Variants in IQCM observed in about 807,000 individuals in gnomAD.
IQCM encodes IQ motif containing M.
Under a neutral mutation model 57.6 loss-of-function variants are expected in IQCM, and 45 were observed. The ratio of observed to expected loss-of-function variants is 0.78; its 90% CI spans 0.62 to 1.00. The LOEUF (loss-of-function observed/expected upper bound fraction) is 1.00. Among genes scored for constraint, IQCM ranks in the 50% least tolerant of loss-of-function variants. The probability of loss-of-function intolerance (pLI) is 0.00; values close to 1 mark genes in which losing one functional copy is unlikely to be tolerated. For synonymous variants in IQCM, 148 were observed against 158.9 expected (o/e 0.93, Z 0.51); for missense variants, 468 against 511.6 (o/e 0.91, Z 0.82).
intron 2 of IQCM, among the ~76,000 whole-genome samples, chr4:149,777,563 G>A (rs1450338252): frequency 6.6e-6 from 1 of 152,118 alleles, no homozygotes; most frequent in Non-Finnish European, 1.5e-5. Context: ...TTGTTGTGTT[G>A]AGATTTATTC....
intron 9 of IQCM, among the ~76,000 whole-genome samples, chr4:149,572,872 A>G (rs916474057): frequency 1.3e-5 from 2 of 152,046 alleles, no homozygotes; most frequent in African/African-American, 2.4e-5. Flanking sequence ...AGTTTGGTTC[A>G]AGATGCATTT....
At chr4:149,398,135 C>T (rs1732359922) in intron 13 of IQCM, among the ~76,000 whole-genome samples, 2 of 151,994 alleles carry the variant, frequency 1.3e-5, no homozygotes, top group South Asian at 4.2e-4. Flanking sequence ...TTCCCAACAC[C>T]TTTATTGAAG....
In IQCM at chr4:149,727,390, A is replaced by T. The variant is rs1766046656; in HGVS notation, c.385+5854T>A. On this transcript the variant is annotated intron_variant, in intron 5 of 13. Transcript: ENST00000636793. ...GACTAAAGCCTAAGAGTCATCCTTCATGCTGTCTTTCCCTTACACTCCACA... is the reference window on the plus strand; with the variant it reads ...GACTAAAGCCTAAGAGTCATCCTTCTTGCTGTCTTTCCCTTACACTCCACA... Among the ~76,000 whole-genome samples the T allele has an allele frequency of 2.0e-5, 3 of 152,068 alleles. No individual in the cohort carries two copies. In the South Asian group the frequency reaches 6.2e-4, roughly 32 times the overall value.
intron 7 of IQCM, among the ~76,000 whole-genome samples, chr4:149,669,458 T>C (rs1199296368): frequency 1.3e-5 from 2 of 152,190 alleles, no homozygotes; most frequent in African/African-American, 2.4e-5. Flanking sequence ...TTACTTTTGC[T>C]ATGCAGAAGC....
chr4:149,361,479 T>G (rs565264919), intron 13 of IQCM, among the ~76,000 whole-genome samples: 7 of 152,222 alleles, frequency 4.6e-5, no homozygotes, highest in Admixed American at 1.3e-4. Context: ...AGTGGTTTTG[T>G]GGGCAGGGCC....
intron 9 of IQCM, among the ~76,000 whole-genome samples, chr4:149,580,750 G>A (rs1752104420): frequency 6.6e-6 from 1 of 151,728 alleles, no homozygotes; most frequent in South Asian, 2.1e-4. Context: ...GTTGTTATGG[G>A]ATATTCCAGT....
intron 12 of IQCM, among the ~76,000 whole-genome samples, chr4:149,500,425 T>C (rs1471037915): frequency 6.6e-6 from 1 of 152,152 alleles, no homozygotes; most frequent in Non-Finnish European, 1.5e-5. Flanking sequence ...AGAGAAGAAA[T>C]TAAATTAACA....
At chr4:149,422,794 C>A (rs1421078440) in intron 13 of IQCM, among the ~76,000 whole-genome samples, 1 of 151,914 alleles carries the variant, frequency 6.6e-6, no homozygotes, top group Non-Finnish European at 1.5e-5. Flanking sequence ...CTGTAAACAT[C>A]AAAAGGAAGT....
chr4:149,746,023 T>A (rs1186422046), intron 2 of IQCM, among the ~76,000 whole-genome samples: 1 of 150,774 alleles, frequency 6.6e-6, no homozygotes, highest in Non-Finnish European at 1.5e-5. Flanking sequence ...GCTCTTATAA[T>A]TCAGTATTCT....
At chr4:149,626,270 C>T (rs930764319) in intron 7 of IQCM, among the ~76,000 whole-genome samples, 2 of 151,988 alleles carry the variant, frequency 1.3e-5, no homozygotes, top group South Asian at 2.1e-4. Flanking sequence ...TGCCCTCGAA[C>T]ATCAGACTCC....
intron 2 of IQCM, among the ~76,000 whole-genome samples, chr4:149,801,817 A>T (rs1323595955): frequency 6.6e-6 from 1 of 151,892 alleles, no homozygotes; most frequent in Non-Finnish European, 1.5e-5. Context: ...AATAAATAAG[A>T]CCTGCTGTTT....
At chr4:149,506,129 C>A (rs931133063) in intron 12 of IQCM, among the ~76,000 whole-genome samples, 4 of 151,958 alleles carry the variant, frequency 2.6e-5, no homozygotes, top group Non-Finnish European at 5.9e-5. Flanking sequence ...GTGGATGCTG[C>A]CCTCTCACCT....
At chr4:149,772,498 C>G (rs972813224) in intron 2 of IQCM, among the ~76,000 whole-genome samples, 3 of 151,918 alleles carry the variant, frequency 2.0e-5, no homozygotes, top group African/African-American at 7.3e-5. Flanking sequence ...CTTCAAACTG[C>G]TGTGTTTTTC....
intron 12 of IQCM, among the ~76,000 whole-genome samples, chr4:149,536,927 G>T (rs1747349687): frequency 6.6e-6 from 1 of 151,988 alleles, no homozygotes; most frequent in Admixed American, 6.6e-5. Context: ...CTACACAAAA[G>T]TTGTCGACAC....
intron 12 of IQCM, among the ~76,000 whole-genome samples, chr4:149,462,491 C>T (rs1738410189): frequency 6.6e-6 from 1 of 152,184 alleles, no homozygotes. Flanking sequence ...AAATGAAAAA[C>T]TACTCATCTT....
At chr4:149,656,454 C>G (rs926215179) in intron 7 of IQCM, among the ~76,000 whole-genome samples, 8 of 152,108 alleles carry the variant, frequency 5.3e-5, no homozygotes, top group African/African-American at 1.7e-4. Context: ...AAAGGGCAAG[C>G]AGCAACTGCC....
chr4:149,805,422 C>G (rs1355784361), intron 2 of IQCM, among the ~76,000 whole-genome samples: 1 of 151,962 alleles, frequency 6.6e-6, no homozygotes, highest in Non-Finnish European at 1.5e-5. Flanking sequence ...TCGACATTTT[C>G]CATCCTTTGG....
intron 12 of IQCM, among the ~76,000 whole-genome samples, chr4:149,517,971 C>T (rs1462552584): frequency 1.3e-5 from 2 of 152,102 alleles, no homozygotes; most frequent in Non-Finnish European, 1.5e-5. Flanking sequence ...ATGTATCTAT[C>T]CTATTAGTTC....
intron 12 of IQCM, among the ~76,000 whole-genome samples, chr4:149,546,827 A>G (rs1249326049): frequency 1.3e-5 from 2 of 152,076 alleles, no homozygotes; most frequent in Non-Finnish European, 2.9e-5. Flanking sequence ...TAGTTTAATT[A>G]GATCCCATTT....
Sources: gnomAD v4.1 joint callset for allele counts (sites outside exome capture counted in the v4.1 genomes callset) on GRCh38, gnomAD v4.1.1 for gene constraint, MANE v1.5 for transcripts, NCBI Gene and HGNC (gene_info 2026-07-23, HGNC 2026-07-21) for gene names.